FGF13: variants seen among roughly 807,000 people sequenced by gnomAD.
The protein encoded by FGF13 is fibroblast growth factor 13, also known as fibroblast growth factor homologous factor 2.
Under a neutral mutation model 19.5 loss-of-function variants are expected in FGF13, and 2 were observed. The observed-to-expected ratio is 0.10, with a 90% confidence interval of 0.04 to 0.32. The LOEUF is 0.32. Among genes scored for constraint, FGF13 ranks in the 10% least tolerant of loss-of-function variants. FGF13 has a pLI of 1.00. For synonymous variants in FGF13, 72 were observed against 76.9 expected (o/e 0.94, Z 0.33); for missense variants, 113 against 192.7 (o/e 0.59, Z 2.45).
chrX:138,936,198 A>G (rs974103874), intron 1 of FGF13, among the ~76,000 whole-genome samples: 1 of 112,355 alleles, frequency 8.9e-6, no homozygotes, highest in South Asian at 3.7e-4. Context: ...AGAGCCTACA[A>G]TGTTCTACTG....
upstream of FGF13, chrX:139,204,164 G>T: frequency 1.8e-6 from 2 of 1,106,044 alleles, no homozygotes; most frequent in Non-Finnish European, 2.5e-6. Flanking sequence ...CGCCGAGCGG[G>T]TCGGACTTGG....
chrX:138,717,537 G>A (rs1182187371), intron 1 of FGF13, among the ~76,000 whole-genome samples: 1 of 110,985 alleles, frequency 9.0e-6, no homozygotes, highest in Non-Finnish European at 1.9e-5. Flanking sequence ...GTGGAAAGGG[G>A]CAGTAACACC....
intron 1 of FGF13, among the ~76,000 whole-genome samples, chrX:139,179,680 T>C (rs767824955): frequency 8.9e-6 from 1 of 112,789 alleles, no homozygotes; most frequent in Non-Finnish European, 1.9e-5. Flanking sequence ...ACCTGCCTCA[T>C]ATGAGAGAAG....
intron 1 of FGF13, among the ~76,000 whole-genome samples, chrX:138,879,234 G>A (rs768716567): frequency 8.9e-6 from 1 of 111,817 alleles, no homozygotes; most frequent in East Asian, 2.8e-4. Flanking sequence ...GTTGTTGACT[G>A]TTAGGAGTTC....
At chrX:138,883,339 A>G (rs1010685778) in intron 1 of FGF13, among the ~76,000 whole-genome samples, 3 of 111,805 alleles carry the variant, frequency 2.7e-5, no homozygotes. Flanking sequence ...GATATTGGGT[A>G]GAGGACCAGA....
chrX:139,127,625 C>A (rs1360689212), intron 1 of FGF13, among the ~76,000 whole-genome samples: 1 of 111,730 alleles, frequency 9.0e-6, no homozygotes, highest in African/African-American at 3.3e-5. Flanking sequence ...GGGGAAACAG[C>A]TGAGGCTGCT....
chrX:138,984,413 A>C (rs1366117886), intron 1 of FGF13, among the ~76,000 whole-genome samples: 1 of 103,226 alleles, frequency 9.7e-6, no homozygotes, highest in African/African-American at 3.5e-5. Context: ...AGACTCTGTC[A>C]AACAAAGGAA....
chrX:139,154,787 A>G (rs1389805720), intron 1 of FGF13, among the ~76,000 whole-genome samples: 1 of 112,158 alleles, frequency 8.9e-6, no homozygotes, highest in Non-Finnish European at 1.9e-5. Flanking sequence ...GAAAACAACA[A>G]ACTGCAAGCA....
chrX:138,856,785 A>G (rs1461982495), downstream of FGF13, among the ~76,000 whole-genome samples: 2 of 112,243 alleles, frequency 1.8e-5, no homozygotes, highest in Non-Finnish European at 3.8e-5. Context: ...TTTCTCTTTG[A>G]TAGATGCAAA....
intron 1 of FGF13, among the ~76,000 whole-genome samples, chrX:138,884,062 G>T (rs1286440133): frequency 9.0e-6 from 1 of 111,475 alleles, no homozygotes; most frequent in East Asian, 2.8e-4. Context: ...TTCTTCATCT[G>T]CAAACTGGAA....
intron 1 of FGF13, among the ~76,000 whole-genome samples, chrX:139,007,123 C>A (rs1429184824): frequency 9.0e-6 from 1 of 111,059 alleles, no homozygotes; most frequent in Admixed American, 9.6e-5. Flanking sequence ...TATAGAAATA[C>A]ACATAGACTG....
chrX:139,072,009 CAAAAAAA>C (rs547217409), intron 1 of FGF13, among the ~76,000 whole-genome samples: 2 of 24,845 alleles, frequency 8.0e-5, no homozygotes, highest in African/African-American at 1.7e-4. Context: ...GATTCCATCT[CAAAAAAA>C]AAAAAAAAAA....
intron 3 of FGF13, among the ~76,000 whole-genome samples, chrX:138,689,202 G>A (rs749525126): frequency 2.2e-4 from 25 of 111,921 alleles, no homozygotes; most frequent in Non-Finnish European, 3.9e-4. Context: ...AAAAAGAAAG[G>A]TAGCTAAGTC....
intron 3 of FGF13, chrX:138,806,572 TC>T (rs2090869722): frequency 8.9e-6 from 1 of 112,177 alleles, no homozygotes; most frequent in African/African-American, 3.2e-5. Flanking sequence ...ATGAATGATA[TC>T]TTGGAGAAAC....
At chrX:139,152,093 C>T (rs2083938323) in intron 1 of FGF13, among the ~76,000 whole-genome samples, 1 of 111,201 alleles carries the variant, frequency 9.0e-6, no homozygotes, top group Non-Finnish European at 1.9e-5. Context: ...ACACCATTAA[C>T]AGAGACTGGG....
intron 1 of FGF13, among the ~76,000 whole-genome samples, chrX:138,982,311 C>A (rs769635695): frequency 2.4e-4 from 27 of 111,603 alleles, no homozygotes; most frequent in Non-Finnish European, 4.9e-4. Flanking sequence ...AGCCATTATA[C>A]TGTATTTTTT....
chrX:139,017,204 C>A (rs1375660572), intron 1 of FGF13, among the ~76,000 whole-genome samples: 1 of 108,554 alleles, frequency 9.2e-6, no homozygotes, highest in Non-Finnish European at 1.9e-5. Context: ...AAAATTTAGG[C>A]CCAAGTTATG....
chrX:139,058,632 T>C lies in FGF13; in HGVS notation c.-113+144784A>G, dbSNP rs747033105. Reference sequence around the variant, plus strand: ...TATCTGTACACACTGATTCTCAACATAATGTGTGAACATACTAAAGTAAGA... The same window carrying C: ...TATCTGTACACACTGATTCTCAACACAATGTGTGAACATACTAAAGTAAGA... On this transcript the variant is annotated intron_variant, in intron 1 of 2. Transcript: ENST00000421460. 2.7e-5 allele frequency among the ~76,000 whole-genome samples: 3 copies of C among 112,253 alleles called. No individual in the cohort carries two copies. In the South Asian group the frequency reaches 1.1e-3, roughly 42 times the overall value.
intron 1 of FGF13, among the ~76,000 whole-genome samples, chrX:138,964,544 G>C (rs1205457353): frequency 8.9e-6 from 1 of 111,838 alleles, no homozygotes; most frequent in African/African-American, 3.3e-5. Context: ...AATTCCAGCT[G>C]TCTTAGTCGA....
Sources: gnomAD v4.1 joint callset for allele counts (sites outside exome capture counted in the v4.1 genomes callset) on GRCh38, gnomAD v4.1.1 for gene constraint, MANE v1.5 for transcripts, NCBI Gene and HGNC (gene_info 2026-07-23, HGNC 2026-07-21) for gene names.